The following SLC4A3 variants were observed in gnomAD, a reference collection of about 807,000 sequenced individuals.
The protein encoded by SLC4A3 is solute carrier family 4 member 3, also known as anion exchange protein 3.
SLC4A3 carries 47 observed loss-of-function variants against 114.2 expected under a neutral mutation model. That is an observed-to-expected ratio of 0.41 (90% confidence interval 0.33 to 0.52). The LOEUF (loss-of-function observed/expected upper bound fraction) is 0.52, where lower values mean the gene tolerates loss of function less well. Among genes scored for constraint, SLC4A3 ranks in the 20% least tolerant of loss-of-function variants. The probability of loss-of-function intolerance (pLI) is 0.21; values close to 1 mark genes in which losing one functional copy is unlikely to be tolerated. For missense variants in SLC4A3, 1,312 were observed against 1,668.3 expected (o/e 0.79, Z 3.72); for synonymous variants, 693 against 710.3 (o/e 0.98, Z 0.39).
Position 219,640,822 on chromosome 2 carries a change from A to G in SLC4A3, c.3481A>G (p.Ile1161Val). ...GTGGCGGATGCATCTGTTCACCTGC[A>G]TCCAGCTGGGCTGCATCGCACTGCT... ...KTWRMHLFTC[I>V]QLGCIALLWV... is the part of the protein sequence containing the mutation. The change falls in exon 22 of 23, where the codon ATC (isoleucine) becomes GTC (valine). Residue 1161 changes from isoleucine to valine, a missense_variant. Ile to Val is a conservative substitution (Grantham distance 29). Transcript: ENST00000358055. 1 of 1,612,276 alleles carries G rather than the reference A, an allele frequency of 6.2e-7. No homozygotes were observed. The highest frequency in any genetic ancestry group is 1.1e-5 in the South Asian group (1 of 90,996).
chr2:219,628,610 A>G lies in SLC4A3; in HGVS notation c.217+40A>G. 1 of 1,599,360 alleles carries G rather than the reference A, an allele frequency of 6.3e-7. No homozygotes were observed. Among genetic ancestry groups the G allele is most frequent in the Non-Finnish European group, 8.5e-7 (1 of 1,172,364 alleles). On this transcript the variant is annotated intron_variant, in intron 3 of 22. Coordinates refer to ENST00000358055, the MANE Select transcript of SLC4A3 (RefSeq NM_005070.4). The surrounding 1 kb of genome is among the most constrained non-coding windows in gnomAD (Gnocchi z 4.8). ...GACCCCTAGTGCGGCCGCCCTCGCC[A>G]CCATCACCTTCATCGCCACCATCAC...
Position 219,629,654 on chromosome 2 carries a change from G to T in SLC4A3, c.570G>T (p.Ser190=), listed in dbSNP as rs1239067058. 3 of 1,613,298 alleles carry T rather than the reference G, an allele frequency of 1.9e-6. No individual in the cohort carries two copies. Among genetic ancestry groups the T allele is most frequent in the African/African-American group, 1.3e-5 (1 of 74,988 alleles). Residue 190 remains serine, a synonymous_variant, in exon 5 of 23, where the codon TCG becomes TCT. Transcript: ENST00000358055. ...CTGCTGTCACCAAGCCCCTGCCCTCGGTGGGCCCACACACTGACAAGAGCC... is the reference window on the plus strand; with the variant it reads ...CTGCTGTCACCAAGCCCCTGCCCTCTGTGGGCCCACACACTGACAAGAGCC... ...GRAAVTKPLP[S]VGPHTDKSPQ...
At chr2:219,627,829 C>G (rs763831160) in intron 1 of SLC4A3, 71 bp from the exon 2 acceptor site, 680 of 573,378 alleles carry the variant, frequency 1.2e-3, no homozygotes, top group Middle Eastern at 1.9e-3. Flanking sequence ...GCGCTTGGGC[C>G]GGGAGCGTGC....
In SLC4A3 at chr2:219,635,452, A is replaced by G; in HGVS notation, c.1928A>G (p.Lys643Arg). 6.2e-7 allele frequency: 1 copy of G among 1,613,912 alleles called. No homozygotes were observed. The highest frequency in any genetic ancestry group is 1.1e-5 in the South Asian group (1 of 91,044). Residue 643 changes from lysine to arginine, a missense_variant, in exon 13 of 23, where the codon AAA becomes AGA. Around this residue, in one of 4 missense-constraint regions of SLC4A3, gnomAD observed 771 missense variants for 977.7 expected, o/e 0.79. Transcript: ENST00000358055. ...LRKRREREQT[K>R]VEMTTRGGYT... The stretch of plus-strand genomic sequence containing the variant: ...AAGCGGCGAGAGCGTGAACAGACCA[A>G]AGTCGAGATGACCACACGGGGTGGC...
In SLC4A3 at chr2:219,635,699, G is replaced by C; in HGVS notation, c.1999G>C (p.Glu667Gln). ...ACTGTCTTTGGAGTTGGGGGGCTCT[G>C]AGGCAACCCCTGAAGATGACCCCTT... Reference protein sequence around the residue: ...KELSLELGGSEATPEDDPLLR... With the variant: ...KELSLELGGSQATPEDDPLLR... Residue 667 changes from glutamate (E) to glutamine (Q), a missense_variant, in exon 14 of 23, where the codon GAG becomes CAG. Around this residue, in one of 4 missense-constraint regions of SLC4A3, gnomAD observed 771 missense variants for 977.7 expected, o/e 0.79. Coordinates refer to ENST00000358055, the MANE Select transcript of SLC4A3 (RefSeq NM_005070.4). The C allele has an allele frequency of 6.3e-7, 1 of 1,592,712 alleles. No homozygotes were observed. Among genetic ancestry groups the C allele is most frequent in the Non-Finnish European group, 8.5e-7 (1 of 1,172,444 alleles).
At position 219,634,561 on chromosome 2, in the gene SLC4A3, A is replaced by G; in HGVS notation, c.1703A>G (p.Tyr568Cys). ...GGGCCCAGCCACACCAGCACTGACT[A>G]TCACGAGCTTGGGCGCTCCATTGCC... ...MLGPSHTSTD[Y>C]HELGRSIATL... The change falls in exon 12 of 23, where the codon TAT becomes TGT. Residue 568 changes from tyrosine to cysteine, a missense_variant. Coordinates refer to ENST00000358055, the MANE Select transcript of SLC4A3 (RefSeq NM_005070.4). 6.2e-7 allele frequency: 1 copy of G among 1,614,190 alleles called. No individual in the cohort carries two copies. The highest frequency in any genetic ancestry group is 8.5e-7 in the Non-Finnish European group (1 of 1,180,020).
chr2:219,636,508 A>T lies in SLC4A3; in HGVS notation c.2340+58A>T. The T allele has an allele frequency of 1.3e-6, 2 of 1,539,846 alleles. No homozygotes were observed. Among genetic ancestry groups the T allele is most frequent in the Non-Finnish European group, 1.7e-6 (2 of 1,144,008 alleles). On this transcript the variant is annotated intron_variant, in intron 15 of 22. Transcript: ENST00000358055. This position sits in a 1 kb window ranked among gnomAD's most constrained non-coding sequence, Gnocchi z 5.5. ...CTGCCCCACACTCTTCCTTACCTACATCCTGCCCCACACTCTTCCTTACCT... is the reference window on the plus strand; with the variant it reads ...CTGCCCCACACTCTTCCTTACCTACTTCCTGCCCCACACTCTTCCTTACCT...
rs768379931 is a variant in SLC4A3 at position 219,637,345 on chromosome 2, TTG to T, written c.2536-232_2536-231del. 7.3e-5 allele frequency among the ~76,000 whole-genome samples: 11 copies of T among 151,560 alleles called. No homozygotes were observed. The highest frequency in any genetic ancestry group is 1.9e-4 in the East Asian group (1 of 5,172). ...GTGTGTGTGGTGTGTATGTGGTATG[TTG>T]TGTTTTTTTTGTGTTGTATGTGTTA... On this transcript the variant is annotated intron_variant, in intron 16 of 22. Coordinates refer to ENST00000358055, the MANE Select transcript of SLC4A3 (RefSeq NM_005070.4). The surrounding 1 kb of genome is among the most constrained non-coding windows in gnomAD (Gnocchi z 4.6).
chr2:219,639,783 G>T lies in SLC4A3; in HGVS notation c.3277+48G>T. The T allele has an allele frequency of 6.3e-7, 1 of 1,586,348 alleles. No individual in the cohort carries two copies. The highest frequency in any genetic ancestry group is 8.5e-7 in the Non-Finnish European group (1 of 1,171,100). On this transcript the variant is annotated intron_variant, in intron 20 of 22. Transcript: ENST00000358055. This position sits in a 1 kb window ranked among gnomAD's most constrained non-coding sequence, Gnocchi z 5.9. ...CACACCCCCTTCCTTGGGCCCCACG[G>T]TCTTACATCTTCACTATCCCAGGCT...
intron 20 of SLC4A3, 149 bp from the exon 21 acceptor site, chr2:219,640,281 T>C (rs1471331868): frequency 2.4e-6 from 1 of 413,042 alleles, no homozygotes; most frequent in Non-Finnish European, 4.0e-6. Context: ...AGTTGATTGG[T>C]CCAGTGGGTC....
chr2:219,641,067 AC>A lies in SLC4A3; in HGVS notation c.3621+106del. ...TTGTGTTAGTTGTGAAACTTGTGTA[AC>A]TTGTGTTGCAAGTTATCTCACCTTC... is the stretch of plus-strand genomic sequence containing the variant. On this transcript the variant is annotated intron_variant, in intron 22 of 22. Transcript: ENST00000358055. This position sits in a 1 kb window ranked among gnomAD's most constrained non-coding sequence, Gnocchi z 4.0. The A allele has an allele frequency of 9.0e-7, 1 of 1,114,794 alleles. No individual in the cohort carries two copies. Among genetic ancestry groups the A allele is most frequent in the South Asian group, 1.5e-5 (1 of 67,038 alleles). 69.1% of individuals were successfully genotyped at this position (1,114,794 alleles called of 1,614,324 possible). A position where few individuals can be genotyped will look rare whatever the true frequency, so the allele number is the denominator to read the frequency against.
chr2:219,636,136 G>A lies in SLC4A3; in HGVS notation c.2192-166G>A, dbSNP rs930695016. ...GAGGGATCCTGTGATCACCATTGGG[G>A]GCTAGTGGGGAGGGTTTGGGAGCAA... On this transcript the variant is annotated intron_variant, in intron 14 of 22. Transcript: ENST00000358055. The surrounding 1 kb of genome is among the most constrained non-coding windows in gnomAD (Gnocchi z 5.5). Among the ~76,000 whole-genome samples, 1 of 152,124 alleles carries A rather than the reference G, an allele frequency of 6.6e-6. No individual in the cohort carries two copies. The highest frequency in any genetic ancestry group is 1.5e-5 in the Non-Finnish European group (1 of 68,014).
rs533226490 is a variant in SLC4A3, at chr2:219,628,172, C to T, written c.51+129C>T. The T allele has an allele frequency of 5.4e-5, 46 of 852,174 alleles. No individual in the cohort carries two copies. In the South Asian group the frequency reaches 8.3e-4, roughly 15 times the overall value. The allele number at this position is 852,174 out of a possible 1,614,324, so 52.8% of individuals were successfully genotyped here. ...CAGGGATGAGCTGGGCTGGGGGTTACGGAGAAAGAGGGGGGTTTTTGATAT... is the reference window on the plus strand; with the variant it reads ...CAGGGATGAGCTGGGCTGGGGGTTATGGAGAAAGAGGGGGGTTTTTGATAT... On this transcript the variant is annotated intron_variant, in intron 2 of 22. Transcript: ENST00000358055. This position sits in a 1 kb window ranked among gnomAD's most constrained non-coding sequence, Gnocchi z 4.8.
rs780422075 is a variant in SLC4A3 at position 219,629,340 on chromosome 2, G to A, written c.414G>A (p.Glu138=). 2.5e-6 allele frequency: 4 copies of A among 1,604,630 alleles called. No individual in the cohort carries two copies. Among genetic ancestry groups the A allele is most frequent in the Non-Finnish European group, 3.4e-6 (4 of 1,174,142 alleles). The stretch of plus-strand genomic sequence containing the variant: ...GGGGAGCTGGAGTGGATGAGGAAGA[G>A]GAGGAAGAGGAGGAAGAGGAAGGAG... ...EEGGAGVDEE[E]EEEEEEEGES... Residue 138 remains glutamate, a synonymous_variant, in exon 4 of 23, where the codon GAG becomes GAA. Coordinates refer to ENST00000358055, the MANE Select transcript of SLC4A3 (RefSeq NM_005070.4).
At chr2:219,632,832 C>T in intron 8 of SLC4A3, 42 bp from the exon 9 acceptor site, 1 of 1,608,424 alleles carries the variant, frequency 6.2e-7, no homozygotes, top group South Asian at 1.1e-5. Context: ...TTTTTCCTGT[C>T]TGATGGGACT....
Position 219,627,907 on chromosome 2 carries a change from C to G in SLC4A3, c.-86C>G. 1.7e-6 allele frequency: 2 copies of G among 1,155,506 alleles called. No individual in the cohort carries two copies. The highest frequency in any genetic ancestry group is 2.5e-6 in the Non-Finnish European group (2 of 797,722). 71.6% of individuals were successfully genotyped at this position (1,155,506 alleles called of 1,614,324 possible). On this transcript the variant is annotated 5_prime_UTR_variant, in exon 2 of 23. Transcript: ENST00000358055. Reference sequence around the variant, plus strand: ...CCCGCCCTCCTCCCCCAGGGCTCCCCGCTAGGCCCCCTCAGTGGCCCCTCC... The same window carrying G: ...CCCGCCCTCCTCCCCCAGGGCTCCCGGCTAGGCCCCCTCAGTGGCCCCTCC...
chr2:219,635,417 G>A lies in SLC4A3; in HGVS notation c.1893G>A (p.Glu631=). The part of the protein sequence containing the change: ...LLRSVAAFQR[E]LLRKRREREQ... ...GCTCCGTGGCTGCTTTCCAGCGAGA[G>A]CTGCTTAGGAAGCGGCGAGAGCGTG... Residue 631 remains glutamate (E), a synonymous_variant, in exon 13 of 23, where the codon GAG becomes GAA. Transcript: ENST00000358055. 1.2e-6 allele frequency: 2 copies of A among 1,614,142 alleles called. No individual in the cohort carries two copies. The highest frequency in any genetic ancestry group is 1.7e-6 in the Non-Finnish European group (2 of 1,180,016).
rs764300950 is a variant in SLC4A3 at position 219,629,712 on chromosome 2, C to T, written c.611+17C>T. 1.9e-6 allele frequency: 3 copies of T among 1,569,528 alleles called. No homozygotes were observed. Among genetic ancestry groups the T allele is most frequent in the South Asian group, 2.2e-5 (2 of 89,134 alleles). ...CTCCAGCAGGTACTGGCTGCAGCCT[C>T]TACTCAGCAGGGCCCAGCCCAGAGC... is the stretch of plus-strand genomic sequence containing the variant. On this transcript the variant is annotated intron_variant, in intron 5 of 22. Transcript: ENST00000358055.
rs1006657958 is a variant in SLC4A3, at chr2:219,631,391, T to C, written c.812-577T>C. ...ACTTAGAGATGTTTGTGCTGGACTT[T>C]GAGGATGGTGACCTGTGGGAGTCCA... is the stretch of plus-strand genomic sequence containing the variant. On this transcript the variant is annotated intron_variant, in intron 6 of 22. Coordinates refer to ENST00000358055, the MANE Select transcript of SLC4A3 (RefSeq NM_005070.4). This position sits in a 1 kb window ranked among gnomAD's most constrained non-coding sequence, Gnocchi z 6.3. The C allele has an allele frequency of 5.4e-6, 7 of 1,304,238 alleles. No homozygotes were observed. Among genetic ancestry groups the C allele is most frequent in the Non-Finnish European group, 7.1e-6 (7 of 988,928 alleles). The allele number at this position is 1,304,238 out of a possible 1,614,324, so 80.8% of individuals were successfully genotyped here.
Sources: allele counts gnomAD v4.1 joint callset (sites outside exome capture counted in the v4.1 genomes callset), GRCh38; gene constraint gnomAD v4.1.1; regional missense constraint gnomAD v4.1.1; non-coding constraint Gnocchi (gnomAD v3.1); transcripts MANE v1.5; gene names NCBI Gene and HGNC (gene_info 2026-07-23, HGNC 2026-07-21).